The following NTM variants were observed in gnomAD, a reference collection of about 807,000 sequenced individuals.
NTM encodes IgLON family member 2.
A neutral mutation model predicts 42.1 loss-of-function variants in NTM; 13 were observed. The ratio of observed to expected loss-of-function variants is 0.31; its 90% CI spans 0.20 to 0.49. The LOEUF (loss-of-function observed/expected upper bound fraction) is 0.49. Ranked by LOEUF, NTM falls within the 20% of genes least tolerant of loss-of-function variation. The pLI is 0.99. For missense variants in NTM, 373 were observed against 452.8 expected (o/e 0.82, Z 1.60); for synonymous variants, 187 against 179.2 (o/e 1.04, Z -0.35).
intron 1 of NTM, among the ~76,000 whole-genome samples, chr11:131,909,435 A>G (rs1389542045): frequency 6.6e-6 from 1 of 152,040 alleles, no homozygotes; most frequent in African/African-American, 2.4e-5. Context: ...TTGGAAGACC[A>G]TTTTTCTGTT....
intron 2 of NTM, among the ~76,000 whole-genome samples, chr11:131,999,381 G>T (rs527897613): frequency 6.6e-6 from 1 of 152,164 alleles, no homozygotes; most frequent in Admixed American, 6.5e-5. Flanking sequence ...AGCAATGCCC[G>T]ACTGATGTCA....
At chr11:131,761,025 C>A (rs556908933) in intron 1 of NTM, among the ~76,000 whole-genome samples, 1 of 145,736 alleles carries the variant, frequency 6.9e-6, no homozygotes, top group South Asian at 2.5e-4. Flanking sequence ...CCAAAACCAC[C>A]GGGATGGAGG....
chr11:131,710,872 A>G (rs1340071520), intron 1 of NTM, among the ~76,000 whole-genome samples: 1 of 152,160 alleles, frequency 6.6e-6, no homozygotes, highest in Admixed American at 6.5e-5. Context: ...CTGCAAACAA[A>G]TAAAACATAA....
At chr11:132,223,620 C>T (rs149132672) in intron 4 of NTM, among the ~76,000 whole-genome samples, 69 of 152,328 alleles carry the variant, frequency 4.5e-4, no homozygotes, top group African/African-American at 1.5e-3. Context: ...TCCTTGCTCA[C>T]TGCTATGTGC....
chr11:131,718,759 C>T (rs995332308), intron 1 of NTM, among the ~76,000 whole-genome samples: 12 of 152,100 alleles, frequency 7.9e-5, no homozygotes, highest in African/African-American at 2.9e-4. Context: ...TCTTCCAGGG[C>T]TTTCAGTTGC....
intron 2 of NTM, among the ~76,000 whole-genome samples, chr11:131,960,087 T>C (rs2061986362): frequency 6.6e-6 from 1 of 152,140 alleles, no homozygotes; most frequent in Non-Finnish European, 1.5e-5. Context: ...AAGGGTGTTA[T>C]CTCCTTAAAT....
At chr11:131,476,400 G>A (rs1475082574) in intron 1 of NTM, among the ~76,000 whole-genome samples, 1 of 152,206 alleles carries the variant, frequency 6.6e-6, no homozygotes, top group Non-Finnish European at 1.5e-5. Context: ...GCTTAGGATT[G>A]GAGAAGGTCT....
chr11:131,589,458 A>T (rs182698872), intron 1 of NTM, among the ~76,000 whole-genome samples: 49 of 152,244 alleles, frequency 3.2e-4, no homozygotes, highest in African/African-American at 1.1e-3. Flanking sequence ...TCCATTCTCC[A>T]TCCAGAAACT....
chr11:131,836,227 G>C lies in NTM; in HGVS notation c.83-75337G>C, dbSNP rs1337022760. On this transcript the variant is annotated intron_variant, in intron 1 of 8. Transcript: ENST00000683400. ...TCAACAAAACTTTTCTTAAAATTAAGTTATGTACCACCTTATATTTCCTGC... is the reference window on the plus strand; with the variant it reads ...TCAACAAAACTTTTCTTAAAATTAACTTATGTACCACCTTATATTTCCTGC... 3.3e-5 allele frequency among the ~76,000 whole-genome samples: 5 copies of C among 152,090 alleles called. No individual in the cohort carries two copies. The East Asian group carries it at 9.6e-4, about 29-fold the overall frequency.
At chr11:131,392,843 A>T (rs1159939947) in intron 1 of NTM, among the ~76,000 whole-genome samples, 1 of 152,092 alleles carries the variant, frequency 6.6e-6, no homozygotes, top group Non-Finnish European at 1.5e-5. Context: ...ATTATTTTTG[A>T]CTGGCTTTTC....
chr11:132,091,911 AT>A (rs1385150407), intron 2 of NTM, among the ~76,000 whole-genome samples: 1 of 152,158 alleles, frequency 6.6e-6, no homozygotes, highest in Non-Finnish European at 1.5e-5. Flanking sequence ...GAGAAAACAG[AT>A]GAATAAATAA....
intron 1 of NTM, among the ~76,000 whole-genome samples, chr11:131,585,880 T>C (rs1236173659): frequency 2.0e-5 from 3 of 152,220 alleles, no homozygotes; most frequent in Non-Finnish European, 4.4e-5. Context: ...CATCTTTCCT[T>C]TCTTCTCCCT....
At chr11:131,710,016 CTG>C in intron 1 of NTM, among the ~76,000 whole-genome samples, 1 of 152,262 alleles carries the variant, frequency 6.6e-6, no homozygotes, top group Middle Eastern at 3.4e-3. Flanking sequence ...CGTGTGTTGA[CTG>C]AGAACACACA....
chr11:131,895,525 C>A (rs2052128019), intron 1 of NTM, among the ~76,000 whole-genome samples: 1 of 152,110 alleles, frequency 6.6e-6, no homozygotes, highest in African/African-American at 2.4e-5. Flanking sequence ...CAAAAATGAA[C>A]AAGAAATGGC....
chr11:132,129,341 A>G (rs1037217952), intron 2 of NTM, among the ~76,000 whole-genome samples: 2 of 152,218 alleles, frequency 1.3e-5, no homozygotes, highest in Non-Finnish European at 2.9e-5. Context: ...TCTCACACAT[A>G]TATTGATTCA....
At chr11:131,781,163 A>G (rs905429479) in intron 1 of NTM, among the ~76,000 whole-genome samples, 2 of 152,232 alleles carry the variant, frequency 1.3e-5, no homozygotes, top group Admixed American at 6.5e-5. Context: ...ATTTCAGGAA[A>G]CCATAAATGC....
chr11:131,716,949 T>A (rs1334277532), intron 1 of NTM, among the ~76,000 whole-genome samples: 1 of 152,168 alleles, frequency 6.6e-6, no homozygotes, highest in African/African-American at 2.4e-5. Context: ...TAAGCAATCC[T>A]CCTGCCTCAG....
chr11:131,782,779 C>T (rs2088411717), intron 1 of NTM, among the ~76,000 whole-genome samples: 1 of 152,124 alleles, frequency 6.6e-6, no homozygotes, highest in Non-Finnish European at 1.5e-5. Context: ...ATAAATTCAA[C>T]ATTCCTTTGT....
intron 1 of NTM, among the ~76,000 whole-genome samples, chr11:131,587,284 T>C (rs1163780436): frequency 6.6e-6 from 1 of 152,112 alleles, no homozygotes; most frequent in East Asian, 1.9e-4. Context: ...CCATCTCTAC[T>C]GAAAATACAA....
Sources: gnomAD v4.1 joint callset for allele counts (sites outside exome capture counted in the v4.1 genomes callset) on GRCh38, gnomAD v4.1.1 for gene constraint, MANE v1.5 for transcripts, NCBI Gene and HGNC (gene_info 2026-07-23, HGNC 2026-07-21) for gene names.